Variants in CTNNA2 observed in about 807,000 individuals in gnomAD.
CTNNA2 encodes the protein catenin alpha-2.
CTNNA2 carries 42 observed loss-of-function variants against 101.0 expected under a neutral mutation model. The ratio of observed to expected loss-of-function variants is 0.42; its 90% CI spans 0.32 to 0.54. The LOEUF is 0.54. Among genes scored for constraint, CTNNA2 ranks in the 20% least tolerant of loss-of-function variants. The pLI is 0.14. For synonymous variants in CTNNA2, 450 were observed against 456.4 expected (o/e 0.99, Z 0.18); for missense variants, 871 against 1,223.1 (o/e 0.71, Z 4.29).
At chr2:79,816,036 C>G (rs1281255775) in intron 3 of CTNNA2, among the ~76,000 whole-genome samples, 3 of 151,666 alleles carry the variant, frequency 2.0e-5, no homozygotes. Context: ...GGTTTAGTTC[C>G]TGATTTGATT....
At chr2:80,426,781 C>A (rs1681037576) in intron 9 of CTNNA2, among the ~76,000 whole-genome samples, 1 of 151,828 alleles carries the variant, frequency 6.6e-6, no homozygotes, top group Non-Finnish European at 1.5e-5. Context: ...CACTTGCCAT[C>A]TTTTGCTTGT....
chr2:80,170,252 T>C (rs1704969996), intron 7 of CTNNA2, among the ~76,000 whole-genome samples: 1 of 151,864 alleles, frequency 6.6e-6, no homozygotes, highest in East Asian at 1.9e-4. Context: ...TGTGTGTTTG[T>C]GTGTGTGTGT....
intron 7 of CTNNA2, among the ~76,000 whole-genome samples, chr2:80,229,187 C>G (rs1709057188): frequency 6.6e-6 from 1 of 152,186 alleles, no homozygotes; most frequent in South Asian, 2.1e-4. Flanking sequence ...TACTTCATTT[C>G]TGACATCAGA....
intron 1 of CTNNA2, among the ~76,000 whole-genome samples, chr2:79,613,201 G>A (rs1364519428): frequency 2.6e-5 from 4 of 151,512 alleles, no homozygotes; most frequent in Admixed American, 2.6e-4. Context: ...CATACATGCT[G>A]AGTCATCTCT....
At position 79,918,799 on chromosome 2, in the gene CTNNA2, A is replaced by G. The variant is rs146897020; in HGVS notation, c.1056+9002A>G. On this transcript the variant is annotated intron_variant, in intron 7 of 18. Transcript: ENST00000402739. ...TTCCAAAGATAAAGTTACAAAGAAC[A>G]TAAGTTGACCTTCCAGAATCCCTAA... 7.3e-4 allele frequency among the ~76,000 whole-genome samples: 111 copies of G among 152,364 alleles called. No individual in the cohort carries two copies. The East Asian group carries it at 0.021, about 29-fold the overall frequency.
At chr2:80,596,086 A>G (rs577974500) in intron 15 of CTNNA2, among the ~76,000 whole-genome samples, 1 of 151,880 alleles carries the variant, frequency 6.6e-6, no homozygotes, top group South Asian at 2.1e-4. Flanking sequence ...CACATTACTT[A>G]TAAGTTGTAT....
chr2:79,224,830 G>T (rs1167710661), intron 2 of CTNNA2, among the ~76,000 whole-genome samples: 1 of 150,404 alleles, frequency 6.6e-6, no homozygotes, highest in Non-Finnish European at 1.5e-5. Flanking sequence ...TATAAATTAA[G>T]TTTGACTGTT....
chr2:79,384,117 C>A (rs1455126769), intron 4 of CTNNA2, among the ~76,000 whole-genome samples: 1 of 152,256 alleles, frequency 6.6e-6, no homozygotes, highest in East Asian at 1.9e-4. Flanking sequence ...GCTTCCCAAC[C>A]TCCCCAGGAT....
At chr2:80,170,654 T>C (rs1279387339) in intron 7 of CTNNA2, among the ~76,000 whole-genome samples, 1 of 152,218 alleles carries the variant, frequency 6.6e-6, no homozygotes, top group African/African-American at 2.4e-5. Context: ...TTAATGCTTA[T>C]CCGATGAAAT....
intron 8 of CTNNA2, among the ~76,000 whole-genome samples, chr2:80,404,700 G>T (rs958858135): frequency 1.3e-5 from 2 of 152,110 alleles, no homozygotes; most frequent in Non-Finnish European, 2.9e-5. Flanking sequence ...GGACACTATG[G>T]GTCTTCCCAG....
intron 7 of CTNNA2, among the ~76,000 whole-genome samples, chr2:80,220,558 T>C (rs910955270): frequency 2.6e-5 from 4 of 152,198 alleles, no homozygotes; most frequent in African/African-American, 9.6e-5. Flanking sequence ...CTCGGCTCTA[T>C]TAAAAATAAA....
At chr2:79,690,289 T>TA (rs1216974117) in intron 2 of CTNNA2, among the ~76,000 whole-genome samples, 3 of 152,062 alleles carry the variant, frequency 2.0e-5, no homozygotes, top group Admixed American at 2.0e-4. Flanking sequence ...GTGGAAGAAT[T>TA]ATTGGAACAC....
At chr2:79,943,836 A>T (rs2104465495) in intron 7 of CTNNA2, among the ~76,000 whole-genome samples, 2 of 152,384 alleles carry the variant, frequency 1.3e-5, no homozygotes, top group Middle Eastern at 3.4e-3. Context: ...AAAAATTAAC[A>T]GTAACCAAAA....
chr2:79,425,994 C>G (rs1290799727), intron 4 of CTNNA2, among the ~76,000 whole-genome samples: 1 of 152,002 alleles, frequency 6.6e-6, no homozygotes, highest in Non-Finnish European at 1.5e-5. Context: ...ATTTTGTGGA[C>G]CGGCTGTAAG....
At chr2:79,670,333 G>C (rs972169076) in intron 2 of CTNNA2, among the ~76,000 whole-genome samples, 2 of 152,156 alleles carry the variant, frequency 1.3e-5, no homozygotes, top group African/African-American at 4.8e-5. Flanking sequence ...CATAGCTACA[G>C]TTTAGGGAGC....
At chr2:80,416,151 G>A (rs1343513790) in intron 8 of CTNNA2, among the ~76,000 whole-genome samples, 1 of 151,882 alleles carries the variant, frequency 6.6e-6, no homozygotes, top group African/African-American at 2.4e-5. Context: ...ATGATGACTA[G>A]CAAAAATGCT....
intron 4 of CTNNA2, among the ~76,000 whole-genome samples, chr2:79,483,537 C>T (rs191291383): frequency 6.6e-6 from 1 of 152,154 alleles, no homozygotes; most frequent in Non-Finnish European, 1.5e-5. Flanking sequence ...TCCCCATGGG[C>T]TGGTGGACCG....
chr2:80,032,244 G>A (rs754859364), intron 7 of CTNNA2, among the ~76,000 whole-genome samples: 8 of 152,122 alleles, frequency 5.3e-5, no homozygotes, highest in Non-Finnish European at 8.8e-5. Context: ...ACGTTCTTCA[G>A]GGAAGTCTTT....
intron 7 of CTNNA2, among the ~76,000 whole-genome samples, chr2:80,280,174 A>G (rs1203970673): frequency 6.7e-6 from 1 of 150,372 alleles, no homozygotes; most frequent in Non-Finnish European, 1.5e-5. Context: ...AAAGTACAAA[A>G]CAAAAAAATG....
Sources: gnomAD v4.1 joint callset for allele counts (sites outside exome capture counted in the v4.1 genomes callset) on GRCh38, gnomAD v4.1.1 for gene constraint, MANE v1.5 for transcripts, NCBI Gene and HGNC (gene_info 2026-07-23, HGNC 2026-07-21) for gene names.